Variants in NOL4 observed in about 807,000 individuals in gnomAD.
NOL4 encodes cancer/testis antigen 125.
Under a neutral mutation model 75.9 loss-of-function variants are expected in NOL4, and 17 were observed. The observed-to-expected ratio is 0.22, with a 90% CI of 0.15 to 0.34. The LOEUF (loss-of-function observed/expected upper bound fraction) is 0.34. Among genes scored for constraint, NOL4 ranks in the 10% least tolerant of loss-of-function variants. The probability of loss-of-function intolerance (pLI) is 1.00; values close to 1 mark genes in which losing one functional copy is unlikely to be tolerated. For synonymous variants in NOL4, 292 were observed against 289.9 expected, an observed-to-expected ratio of 1.01 and a Z score of -0.07; for missense variants, 614 against 793.5, an observed-to-expected ratio of 0.77 and a Z score of 2.72.
At chr18:34,191,080 T>G (rs1414312156) in intron 1 of NOL4, among the ~76,000 whole-genome samples, 3 of 152,136 alleles carry the variant, frequency 2.0e-5, no homozygotes, top group African/African-American at 7.2e-5. Context: ...AAAGACCCTA[T>G]GTTTTACTGT....
chr18:33,883,221 C>T, intron 10 of NOL4, 23 bp downstream of exon 10: 2 of 1,499,012 alleles, frequency 1.3e-6, no homozygotes, highest in Non-Finnish European at 1.8e-6. Context: ...AAAAAAAAAA[C>T]ACAATCTATG....
intron 4 of NOL4, among the ~76,000 whole-genome samples, chr18:34,094,590 T>G (rs1445940098): frequency 2.6e-5 from 4 of 152,218 alleles, no homozygotes; most frequent in Non-Finnish European, 4.4e-5. Context: ...GGAGAACTGA[T>G]TTTTGGACAA....
At chr18:33,964,109 CA>C (rs1448172918) in intron 6 of NOL4, among the ~76,000 whole-genome samples, 2 of 152,110 alleles carry the variant, frequency 1.3e-5, no homozygotes, top group Non-Finnish European at 2.9e-5. Flanking sequence ...GTTCATATTC[CA>C]TGCAGTCTGA....
intron 1 of NOL4, among the ~76,000 whole-genome samples, chr18:34,204,171 A>G (rs1274971777): frequency 3.3e-5 from 5 of 152,238 alleles, no homozygotes; most frequent in African/African-American, 9.6e-5. Context: ...GCAATAACAT[A>G]CATGCTATTT....
chr18:34,032,417 C>A (rs2075681609), intron 5 of NOL4, among the ~76,000 whole-genome samples: 1 of 152,106 alleles, frequency 6.6e-6, no homozygotes, highest in South Asian at 2.1e-4. Context: ...CCAACTTCTC[C>A]CATCCCAGAG....
intron 9 of NOL4, among the ~76,000 whole-genome samples, chr18:33,892,202 G>T (rs2144835998): frequency 6.6e-6 from 1 of 152,174 alleles, no homozygotes; most frequent in East Asian, 1.9e-4. Flanking sequence ...GGCTGAGGTG[G>T]AAGATCACTT....
At chr18:34,210,411 G>A (rs2036434868) in intron 1 of NOL4, among the ~76,000 whole-genome samples, 1 of 152,050 alleles carries the variant, frequency 6.6e-6, no homozygotes, top group Admixed American at 6.6e-5. Flanking sequence ...TTTAAATTTT[G>A]CACTCATTTT....
intron 9 of NOL4, among the ~76,000 whole-genome samples, chr18:33,917,802 C>A (rs1251791042): frequency 2.6e-5 from 4 of 152,092 alleles, no homozygotes; most frequent in Non-Finnish European, 5.9e-5. Flanking sequence ...CTGCATCCAG[C>A]CAGAAGGCTA....
intron 6 of NOL4, among the ~76,000 whole-genome samples, chr18:33,996,565 T>C (rs1226289644): frequency 2.0e-5 from 3 of 151,834 alleles, no homozygotes; most frequent in Non-Finnish European, 2.9e-5. Flanking sequence ...ACTTCAACAC[T>C]TTCCCTCTTC....
intron 5 of NOL4, among the ~76,000 whole-genome samples, chr18:34,063,016 A>G (rs2077129551): frequency 6.6e-6 from 1 of 152,114 alleles, no homozygotes; most frequent in Admixed American, 6.6e-5. Context: ...TGTCTTTTCT[A>G]TTAGCATTGA....
chr18:33,935,801 T>C (rs965313480), intron 9 of NOL4, among the ~76,000 whole-genome samples: 5 of 152,152 alleles, frequency 3.3e-5, no homozygotes, highest in Admixed American at 3.3e-4. Flanking sequence ...TAGTATATTT[T>C]CTTCTGTGAA....
chr18:34,150,165 T>C (rs1954841013), intron 1 of NOL4, among the ~76,000 whole-genome samples: 1 of 151,742 alleles, frequency 6.6e-6, no homozygotes. Flanking sequence ...AAATGTTAGT[T>C]ATCTGTAAGT....
chr18:34,018,741 T>C (rs1436560099), intron 6 of NOL4, among the ~76,000 whole-genome samples: 4 of 152,212 alleles, frequency 2.6e-5, no homozygotes, highest in African/African-American at 9.6e-5. Context: ...CATTTAGATA[T>C]GTCTGAAATA....
chr18:34,106,628 T>C (rs1460794821), intron 2 of NOL4, among the ~76,000 whole-genome samples: 3 of 151,694 alleles, frequency 2.0e-5, no homozygotes, highest in Non-Finnish European at 4.4e-5. Context: ...TTCTAAACTA[T>C]TTTGTGAAAA....
intron 4 of NOL4, among the ~76,000 whole-genome samples, chr18:34,100,364 C>T (rs9945436): frequency 1.9e-4 from 29 of 152,114 alleles, no homozygotes; most frequent in African/African-American, 6.7e-4. Flanking sequence ...CATCTCCTAC[C>T]TCTTTCCCCT....
intron 5 of NOL4, among the ~76,000 whole-genome samples, chr18:34,064,176 A>C (rs948411548): frequency 6.6e-6 from 1 of 152,070 alleles, no homozygotes; most frequent in East Asian, 1.9e-4. Context: ...AGCATTATTG[A>C]AAGATAGAAT....
chr18:33,964,939 CAAATA>C (rs1208245224), intron 6 of NOL4, among the ~76,000 whole-genome samples: 1 of 152,008 alleles, frequency 6.6e-6, no homozygotes, highest in Non-Finnish European at 1.5e-5. Flanking sequence ...GAGATATAAT[CAAATA>C]AAATGTGTAA....
At chr18:33,954,239 C>G (rs1442244403) in intron 8 of NOL4, among the ~76,000 whole-genome samples, 1 of 152,112 alleles carries the variant, frequency 6.6e-6, no homozygotes. Context: ...GGAATAACGA[C>G]AAGTAAAAAA....
chr18:34,164,885 T>C (rs1169556986), intron 1 of NOL4, among the ~76,000 whole-genome samples: 2 of 152,034 alleles, frequency 1.3e-5, no homozygotes, highest in East Asian at 1.9e-4. Flanking sequence ...ATGTGGCACA[T>C]ATACACCATG....
Sources: gnomAD v4.1 joint callset for allele counts (sites outside exome capture counted in the v4.1 genomes callset) on GRCh38, gnomAD v4.1.1 for gene constraint, MANE v1.5 for transcripts, NCBI Gene and HGNC (gene_info 2026-07-23, HGNC 2026-07-21) for gene names.